ZNF644: variants seen among roughly 807,000 people sequenced by gnomAD.
The protein encoded by ZNF644 is zinc finger motif enhancer binding protein 2.
A neutral mutation model predicts 108.0 loss-of-function variants in ZNF644; 20 were observed. The ratio of observed to expected loss-of-function variants is 0.19; its 90% CI spans 0.13 to 0.27. The LOEUF (loss-of-function observed/expected upper bound fraction) is 0.27. Among genes scored for constraint, ZNF644 ranks in the 10% least tolerant of loss-of-function variants. ZNF644 has a pLI of 1.00. For synonymous variants in ZNF644, 542 were observed against 539.1 expected (o/e 1.01, Z -0.08); for missense variants, 1,338 against 1,548.9 (o/e 0.86, Z 2.29).
intron 2 of ZNF644, among the ~76,000 whole-genome samples, chr1:90,952,080 C>A (rs1196655163): frequency 1.3e-5 from 2 of 152,134 alleles, no homozygotes; most frequent in East Asian, 3.9e-4. Context: ...CTCCCTGACT[C>A]CCAGTCTTAG....
At chr1:90,922,991 A>AAAC (rs1045289949) in intron 4 of ZNF644, among the ~76,000 whole-genome samples, 2 of 152,156 alleles carry the variant, frequency 1.3e-5, no homozygotes, top group African/African-American at 2.4e-5. Context: ...TTTTTTTAGA[A>AAAC]AACAACAACA....
intron 5 of ZNF644, among the ~76,000 whole-genome samples, chr1:90,917,611 C>T (rs1015586712): frequency 3.3e-5 from 5 of 152,132 alleles, no homozygotes; most frequent in Non-Finnish European, 7.4e-5. Context: ...AATTCTCCTG[C>T]CTCAGCCTCC....
chr1:90,979,283 C>T (rs975587042), intron 2 of ZNF644, among the ~76,000 whole-genome samples: 2 of 152,034 alleles, frequency 1.3e-5, no homozygotes, highest in African/African-American at 4.8e-5. Flanking sequence ...ACTAGCCTGA[C>T]GAACATAGTG....
At chr1:91,005,023 C>T (rs932442467) in intron 1 of ZNF644, among the ~76,000 whole-genome samples, 4 of 152,032 alleles carry the variant, frequency 2.6e-5, no homozygotes, top group Non-Finnish European at 4.4e-5. Flanking sequence ...TAATCAGGCA[C>T]TCCAAACAAA....
intron 2 of ZNF644, among the ~76,000 whole-genome samples, chr1:90,949,877 C>T (rs763408466): frequency 2.6e-5 from 4 of 152,060 alleles, no homozygotes; most frequent in Non-Finnish European, 2.9e-5. Context: ...GCTAAATTTG[C>T]GTGTTTTTAG....
chr1:91,015,437 G>GGT (rs1348366986), intron 1 of ZNF644, among the ~76,000 whole-genome samples: 1 of 151,990 alleles, frequency 6.6e-6, no homozygotes, highest in Non-Finnish European at 1.5e-5. Context: ...TCTCATCTTG[G>GGT]GTTTATACGT....
At chr1:90,970,368 C>G (rs569252289) in intron 2 of ZNF644, among the ~76,000 whole-genome samples, 26 of 152,272 alleles carry the variant, frequency 1.7e-4, no homozygotes, top group African/African-American at 4.8e-4. Context: ...CCTAGCTGTG[C>G]TTCAGATAAA....
At chr1:90,998,788 C>A (rs1658446434) in intron 1 of ZNF644, among the ~76,000 whole-genome samples, 2 of 152,104 alleles carry the variant, frequency 1.3e-5, no homozygotes, top group African/African-American at 4.8e-5. Flanking sequence ...TGCAAAGAAG[C>A]TAAAAACCTT....
At chr1:90,937,281 GCA>G (rs1651423598) in intron 4 of ZNF644, among the ~76,000 whole-genome samples, 1 of 151,786 alleles carries the variant, frequency 6.6e-6, no homozygotes, top group African/African-American at 2.4e-5. Flanking sequence ...AAGAAAAGAG[GCA>G]CAGAGAACTC....
At chr1:91,018,211 T>C (rs1660595109) in intron 1 of ZNF644, among the ~76,000 whole-genome samples, 1 of 152,208 alleles carries the variant, frequency 6.6e-6, no homozygotes, top group Admixed American at 6.5e-5. Flanking sequence ...CAGGGTGAGC[T>C]AGTGCTAGCA....
At chr1:91,020,868 A>G (rs1660844040) in intron 1 of ZNF644, 1 of 152,210 alleles carries the variant, frequency 6.6e-6, no homozygotes, top group Non-Finnish European at 1.5e-5. Flanking sequence ...GAAATTATTA[A>G]CAAGACAAGA....
chr1:90,969,133 C>G (rs1655216816), intron 2 of ZNF644, among the ~76,000 whole-genome samples: 1 of 152,100 alleles, frequency 6.6e-6, no homozygotes, highest in African/African-American at 2.4e-5. Flanking sequence ...TGTTGAAGCC[C>G]TAGTACAAAG....
chr1:90,931,384 A>C (rs1353286000), intron 4 of ZNF644, among the ~76,000 whole-genome samples: 4 of 137,302 alleles, frequency 2.9e-5, no homozygotes, highest in Admixed American at 7.3e-5. Flanking sequence ...AAAAAAAAAA[A>C]CCCCTACCAT....
chr1:90,969,148 A>C (rs554749444), intron 2 of ZNF644, among the ~76,000 whole-genome samples: 3 of 152,190 alleles, frequency 2.0e-5, no homozygotes, highest in African/African-American at 7.2e-5. Context: ...ACAAAGTTAA[A>C]ATGAAGCCAT....
chr1:90,966,747 C>CAAAAA (rs67549954), intron 2 of ZNF644, among the ~76,000 whole-genome samples: 1 of 73,916 alleles, frequency 1.4e-5, no homozygotes, highest in African/African-American at 5.7e-5. Context: ...GACTCAGTCT[C>CAAAAA]AAAAAAAAAA....
intron 1 of ZNF644, among the ~76,000 whole-genome samples, chr1:91,005,498 G>GA (rs1277342604): frequency 6.6e-6 from 1 of 152,096 alleles, no homozygotes; most frequent in Non-Finnish European, 1.5e-5. Context: ...GCAGAGTAAG[G>GA]AATGTTCTTT....
intron 2 of ZNF644, among the ~76,000 whole-genome samples, chr1:90,978,787 C>T (rs74099888): frequency 0.013 from 1,920 of 151,700 alleles, 38 homozygotes; most frequent in African/African-American, 0.044. Flanking sequence ...TTCTCTGGCT[C>T]CTCAACTCTA....
chr1:90,956,681 A>G (rs1653784307), intron 2 of ZNF644, among the ~76,000 whole-genome samples: 1 of 152,206 alleles, frequency 6.6e-6, no homozygotes, highest in African/African-American at 2.4e-5. Flanking sequence ...CAGTAGAAAG[A>G]AGAAAATAAT....
intron 2 of ZNF644, among the ~76,000 whole-genome samples, chr1:90,947,163 T>C (rs1415028601): frequency 1.3e-5 from 2 of 152,176 alleles, no homozygotes; most frequent in African/African-American, 4.8e-5. Context: ...TGAAGAATTC[T>C]GCAACTGGAA....
Sources: gnomAD v4.1 joint callset for allele counts (sites outside exome capture counted in the v4.1 genomes callset) on GRCh38, gnomAD v4.1.1 for gene constraint, MANE v1.5 for transcripts, NCBI Gene and HGNC (gene_info 2026-07-23, HGNC 2026-07-21) for gene names.